HEATR1: variants seen among roughly 807,000 people sequenced by gnomAD.
HEATR1 encodes HEAT repeat containing 1, also known as HEAT repeat-containing protein 1.
A neutral mutation model predicts 248.2 loss-of-function variants in HEATR1; 77 were observed. That is an observed-to-expected ratio of 0.31 (90% CI 0.26 to 0.37). The LOEUF is 0.37. Ranked by LOEUF, HEATR1 falls within the 10% of genes least tolerant of loss-of-function variation. HEATR1 has a pLI of 1.00. For synonymous variants in HEATR1, 897 were observed against 923.1 expected, an observed-to-expected ratio of 0.97 and a Z score of 0.51; for missense variants, 2,420 against 2,504.9, an observed-to-expected ratio of 0.97 and a Z score of 0.72.
chr1:236,596,282 C>A (rs1664175633), intron 6 of HEATR1, among the ~76,000 whole-genome samples: 1 of 152,192 alleles, frequency 6.6e-6, no homozygotes, highest in African/African-American at 2.4e-5. Flanking sequence ...CAAACATCTA[C>A]CACATGTCCT....
At chr1:236,553,243 C>T (rs1662833665) in intron 43 of HEATR1, among the ~76,000 whole-genome samples, 1 of 152,160 alleles carries the variant, frequency 6.6e-6, no homozygotes, top group Non-Finnish European at 1.5e-5. Flanking sequence ...CTCTGGAGCA[C>T]AATGACATTT....
intron 4 of HEATR1, 57 bp downstream of exon 4, chr1:236,599,426 A>T: frequency 6.9e-7 from 1 of 1,450,800 alleles, no homozygotes; most frequent in Non-Finnish European, 9.3e-7. Flanking sequence ...TTTCCTAATT[A>T]AATCCCTTAA....
Position 236,595,837 on chromosome 1 carries a change from T to C in HEATR1, c.952A>G (p.Lys318Glu), listed in dbSNP as rs1230943337. Residue 318 changes from lysine to glutamate, a missense_variant, in exon 7 of 45, where the codon AAA (lysine) becomes GAA (glutamate). Transcript: ENST00000366582. ...TCTCAATTCAATTGTACATACTTTTTCCCAAGGCTCTCTGGCTTCTGTCTC... is the reference window on the plus strand; with the variant it reads ...TCTCAATTCAATTGTACATACTTTTCCCCAAGGCTCTCTGGCTTCTGTCTC... ...LQRQKPESLG[K>E]KPFPHLCNVP... The C allele has an allele frequency of 1.2e-6, 2 of 1,612,622 alleles. No individual in the cohort carries two copies. Among genetic ancestry groups the C allele is most frequent in the Non-Finnish European group, 1.7e-6 (2 of 1,178,696 alleles).
intron 26 of HEATR1, among the ~76,000 whole-genome samples, chr1:236,572,137 G>C (rs1162265600): frequency 6.6e-6 from 1 of 152,176 alleles, no homozygotes; most frequent in South Asian, 2.1e-4. Context: ...ATCTTGAAAT[G>C]CAAGTAATGA....
At chr1:236,591,062 A>T (rs1159859227) in intron 11 of HEATR1, 108 bp from the exon 12 acceptor site, 1 of 452,226 alleles carries the variant, frequency 2.2e-6, no homozygotes, top group Non-Finnish European at 3.8e-6. Flanking sequence ...ATTTTCAGTA[A>T]CAACCATCTA....
intron 17 of HEATR1, among the ~76,000 whole-genome samples, chr1:236,583,714 T>C (rs1663814989): frequency 6.6e-6 from 1 of 152,114 alleles, no homozygotes; most frequent in Admixed American, 6.5e-5. Flanking sequence ...CTCGAACTCC[T>C]GTCCTCAGAT....
Position 236,594,100 on chromosome 1 carries a change from C to G in HEATR1, c.1105G>C (p.Gly369Arg). ...CTCTTGTAGATTTGACCATCCATTC[C>G]TTCAGTTTCTTCTCCTTAATATGTA... ...IHHVTGEETE[G>R]MDGQIYKRHL... is the part of the protein sequence containing the mutation. Residue 369 changes from glycine to arginine, a missense_variant, in exon 9 of 45, where the codon GGA (glycine) becomes CGA (arginine). Gly to Arg is a moderately radical substitution (Grantham distance 125). Coordinates refer to ENST00000366582, the MANE Select transcript of HEATR1 (RefSeq NM_018072.6). 6.3e-7 allele frequency: 1 copy of G among 1,584,532 alleles called. No individual in the cohort carries two copies.
chr1:236,592,720 T>C (rs1664073477), intron 9 of HEATR1, 87 bp from the exon 10 acceptor site: 1 of 586,836 alleles, frequency 1.7e-6, no homozygotes, highest in South Asian at 2.2e-5. Context: ...TTAGAAATAT[T>C]ATCTCTAATT....
In HEATR1 at chr1:236,558,347, T is replaced by A; in HGVS notation, c.5094A>T (p.Lys1698Asn). The change falls in exon 36 of 45, where the codon AAA (lysine) becomes AAT (asparagine). Residue 1698 changes from lysine to asparagine, a missense_variant. Lys to Asn is a moderately conservative substitution (Grantham distance 94). Transcript: ENST00000366582. ...PFVPVLNTAV[K>N]LIAPERKEEK... ...CCTCCTTTCTCTCTGGAGCAATCAG[T>A]TTCACAGCAGTGTTCAGCACTGGGA... 6.2e-7 allele frequency: 1 copy of A among 1,614,160 alleles called. No homozygotes were observed. The highest frequency in any genetic ancestry group is 1.1e-5 in the South Asian group (1 of 91,082).
At chr1:236,555,123 T>C (rs1662926986) in intron 41 of HEATR1, among the ~76,000 whole-genome samples, 173 bp downstream of exon 41, 1 of 152,234 alleles carries the variant, frequency 6.6e-6, no homozygotes, top group African/African-American at 2.4e-5. Context: ...TCGCTCATGA[T>C]GCTAAAACAA....
At position 236,592,591 on chromosome 1, in the gene HEATR1, T is replaced by G; in HGVS notation, c.1236A>C (p.Glu412Asp). The G allele has an allele frequency of 6.5e-7, 1 of 1,528,278 alleles. No individual in the cohort carries two copies. Among genetic ancestry groups the G allele is most frequent in the Non-Finnish European group, 9.0e-7 (1 of 1,105,604 alleles). 94.7% of individuals were successfully genotyped at this position (1,528,278 alleles called of 1,614,324 possible). A position where few individuals can be genotyped will look rare whatever the true frequency, so the allele number is the denominator to read the frequency against. The change falls in exon 10 of 45, where the codon GAA becomes GAC. Residue 412 changes from glutamate (E) to aspartate (D), a missense_variant. By Grantham distance (45) the Glu-to-Asp change is conservative. Transcript: ENST00000366582. ...GCAAAGACACTTTATTAGAATCCAT[T>G]TCTTCCTGTGAACTATATGAAATAT... ...EEYISYSSQE[E>D]MDSNKVSLLN...
chr1:236,568,922 G>C, intron 29 of HEATR1, 74 bp downstream of exon 29: 5 of 1,020,644 alleles, frequency 4.9e-6, no homozygotes, highest in Non-Finnish European at 6.5e-6. Context: ...TAAAAAAAAG[G>C]CTTTTAATGT....
chr1:236,602,609 A>C (rs1192306799), intron 3 of HEATR1, among the ~76,000 whole-genome samples: 1 of 152,200 alleles, frequency 6.6e-6, no homozygotes, highest in Admixed American at 6.5e-5. Flanking sequence ...TGTAATGGCA[A>C]AGTAGCATGG....
intron 16 of HEATR1, 98 bp downstream of exon 16, chr1:236,585,720 AAG>A (rs1170157652): frequency 8.2e-7 from 1 of 1,213,142 alleles, no homozygotes; most frequent in Non-Finnish European, 1.2e-6. Context: ...TCAAGAATAA[AAG>A]AAATTTTTTT....
chr1:236,566,690 G>T lies in HEATR1; in HGVS notation c.4264C>A (p.Gln1422Lys). Residue 1422 changes from glutamine (Q) to lysine (K), a missense_variant, in exon 30 of 45, where the codon CAG (glutamine) becomes AAG (lysine). Coordinates refer to ENST00000366582, the MANE Select transcript of HEATR1 (RefSeq NM_018072.6). Reference protein sequence around the residue: ...LWILLILLFEQYVTKTVLAAA... With the variant: ...LWILLILLFEKYVTKTVLAAA... ...GCCAGCACTGTTTTTGTGACATACT[G>T]TTCAAAAAGCAAGATGAGGAGAATC... 6.2e-7 allele frequency: 1 copy of T among 1,614,040 alleles called. No individual in the cohort carries two copies. Among genetic ancestry groups the T allele is most frequent in the Non-Finnish European group, 8.5e-7 (1 of 1,179,998 alleles).
chr1:236,563,569 TC>T (rs1663193783), intron 32 of HEATR1, among the ~76,000 whole-genome samples: 1 of 152,148 alleles, frequency 6.6e-6, no homozygotes, highest in African/African-American at 2.4e-5. Flanking sequence ...AGGATTTTTC[TC>T]TCTTAAGTTG....
chr1:236,574,108 C>A (rs1663502607), intron 24 of HEATR1, 94 bp downstream of exon 24: 1 of 1,119,884 alleles, frequency 8.9e-7, no homozygotes, highest in Non-Finnish European at 1.2e-6. Context: ...TGACCTCTTA[C>A]AAGCACTATA....
rs6685709 is a variant in HEATR1 at position 236,559,866 on chromosome 1, G to C, written c.4647-29C>G. ...AAACACAGAGGCTCGCTCAGCAAAC[G>C]GCAGCTGAAGGCACTCAGAGAACTT... On this transcript the variant is annotated intron_variant, in intron 33 of 44. Transcript: ENST00000366582. The C allele has an allele frequency of 1.3e-5, 21 of 1,574,542 alleles. No homozygotes were observed. In the Admixed American group the frequency reaches 3.8e-4, roughly 28 times the overall value.
In HEATR1 at chr1:236,581,183, G is replaced by A. The variant is rs369045667; in HGVS notation, c.2755+39C>T. The A allele has an allele frequency of 1.0e-5, 15 of 1,484,772 alleles. No homozygotes were observed. In the African/African-American group the frequency reaches 1.9e-4, roughly 19 times the overall value. 92.0% of individuals were successfully genotyped at this position (1,484,772 alleles called of 1,614,324 possible). A position where few individuals can be genotyped will look rare whatever the true frequency, so the allele number is the denominator to read the frequency against. The stretch of plus-strand genomic sequence containing the variant: ...AAACCATATAGAGAAAGCATGAACA[G>A]TTGGTCATGACAAAACATAACAATG... On this transcript the variant is annotated intron_variant, in intron 20 of 44. Transcript: ENST00000366582.
Sources: gnomAD v4.1 joint callset for allele counts (sites outside exome capture counted in the v4.1 genomes callset) on GRCh38, gnomAD v4.1.1 for gene constraint, MANE v1.5 for transcripts, NCBI Gene and HGNC (gene_info 2026-07-23, HGNC 2026-07-21) for gene names.